The following PDSS2 variants were observed in gnomAD, a reference collection of about 807,000 sequenced individuals.
PDSS2 encodes decaprenyl diphosphate synthase subunit 2.
Under a neutral mutation model 44.5 loss-of-function variants are expected in PDSS2, and 31 were observed. The observed-to-expected ratio is 0.70, with a 90% confidence interval of 0.52 to 0.94. The LOEUF (loss-of-function observed/expected upper bound fraction) is 0.94. Ranked by LOEUF, PDSS2 falls within the 40% of genes least tolerant of loss-of-function variation. The pLI, the probability that PDSS2 is intolerant of heterozygous loss-of-function variation, is 0.00. For missense variants in PDSS2, 452 were observed against 482.2 expected, an observed-to-expected ratio of 0.94 and a Z score of 0.59; for synonymous variants, 157 against 180.3, an observed-to-expected ratio of 0.87 and a Z score of 1.03.
At chr6:107,245,011 T>G (rs1774560452) in intron 4 of PDSS2, among the ~76,000 whole-genome samples, 1 of 152,234 alleles carries the variant, frequency 6.6e-6, no homozygotes, top group Non-Finnish European at 1.5e-5. Flanking sequence ...AAAAAAATCT[T>G]AATTCTAGAC....
chr6:107,318,369 G>A (rs1582934920), intron 2 of PDSS2, among the ~76,000 whole-genome samples: 1 of 152,172 alleles, frequency 6.6e-6, no homozygotes, highest in South Asian at 2.1e-4. Flanking sequence ...CCACCCAGAG[G>A]GCTGAGCTCC....
At chr6:107,353,588 C>G (rs1371448672) in intron 1 of PDSS2, among the ~76,000 whole-genome samples, 1 of 151,956 alleles carries the variant, frequency 6.6e-6, no homozygotes. Context: ...CTTCAGCCTT[C>G]TTTTGCTTGT....
In PDSS2 at chr6:107,153,354, G is replaced by A. The variant is rs148040761; in HGVS notation, c.*1265C>T. The A allele has an allele frequency of 5.9e-5, 9 of 152,640 alleles. No homozygotes were observed. The highest frequency in any genetic ancestry group is 1.9e-4 in the East Asian group (1 of 5,186). 9.5% of individuals were successfully genotyped at this position (152,640 alleles called of 1,614,324 possible). A position where few individuals can be genotyped will look rare whatever the true frequency, so the allele number is the denominator to read the frequency against. ...TATGAACCACACAGAGACAGTGTCC[G>A]ATTGCAGGCCTGTGAGATTGCTTAT... On this transcript the variant is annotated 3_prime_UTR_variant, in exon 8 of 8. Coordinates refer to ENST00000369037, the MANE Select transcript of PDSS2 (RefSeq NM_020381.4).
At chr6:107,296,997 G>A (rs1776529491) in intron 2 of PDSS2, among the ~76,000 whole-genome samples, 1 of 152,150 alleles carries the variant, frequency 6.6e-6, no homozygotes, top group East Asian at 1.9e-4. Context: ...TCCCCTCAGT[G>A]CTTGACTGCC....
intron 1 of PDSS2, among the ~76,000 whole-genome samples, chr6:107,435,134 C>A (rs1249213455): frequency 6.6e-6 from 1 of 151,948 alleles, no homozygotes; most frequent in Non-Finnish European, 1.5e-5. Context: ...AATCTATTAG[C>A]CCAGTGTGGT....
intron 2 of PDSS2, among the ~76,000 whole-genome samples, chr6:107,288,101 G>A (rs750636650): frequency 6.1e-5 from 9 of 148,442 alleles, no homozygotes; most frequent in Non-Finnish European, 6.0e-5. Context: ...CTCCCACCTC[G>A]GTTTCCCAAA....
At chr6:107,207,815 G>A (rs1487440731) in intron 6 of PDSS2, among the ~76,000 whole-genome samples, 1 of 151,228 alleles carries the variant, frequency 6.6e-6, no homozygotes, top group African/African-American at 2.4e-5. Context: ...TCGCCATGTT[G>A]GCCAGGCTGG....
chr6:107,405,208 A>C (rs916220210), intron 1 of PDSS2, among the ~76,000 whole-genome samples: 6 of 152,164 alleles, frequency 3.9e-5, no homozygotes, highest in South Asian at 2.1e-4. Context: ...AGTGAAGGAG[A>C]AATAGTCTTT....
intron 2 of PDSS2, among the ~76,000 whole-genome samples, chr6:107,323,265 A>C (rs1183422252): frequency 6.6e-6 from 1 of 152,130 alleles, no homozygotes; most frequent in Admixed American, 6.5e-5. Context: ...AGATGCATAC[A>C]TTGTTTCCTT....
intron 7 of PDSS2, among the ~76,000 whole-genome samples, chr6:107,179,986 C>G (rs184071684): frequency 2.0e-5 from 3 of 152,238 alleles, no homozygotes; most frequent in Admixed American, 2.0e-4. Flanking sequence ...ATCTAGGTAA[C>G]GATATCTTCT....
At chr6:107,388,447 A>AT (rs147100917) in intron 1 of PDSS2, among the ~76,000 whole-genome samples, 37,714 of 137,240 alleles carry the variant, frequency 0.27, 5,646 homozygotes, top group East Asian at 0.37. Flanking sequence ...GTGCATGTGA[A>AT]TTTTTTTTTT....
chr6:107,154,574 C>T lies in PDSS2; in HGVS notation c.*45G>A, dbSNP rs534321585. 2.2e-5 allele frequency: 35 copies of T among 1,594,812 alleles called. No homozygotes were observed. In the African/African-American group the frequency reaches 3.1e-4, roughly 14 times the overall value. ...AAGCGCTCCCAATCAACCTCATTCC[C>T]TAGGATTTTCAGCTAACTAACAATA... On this transcript the variant is annotated 3_prime_UTR_variant, in exon 8 of 8. Transcript: ENST00000369037.
intron 1 of PDSS2, among the ~76,000 whole-genome samples, chr6:107,376,619 A>T (rs1296602800): frequency 2.6e-5 from 4 of 152,238 alleles, no homozygotes; most frequent in African/African-American, 7.2e-5. Flanking sequence ...GCATCCTGAG[A>T]CTTTGCTGAA....
At chr6:107,168,055 C>T (rs1487662409) in intron 7 of PDSS2, among the ~76,000 whole-genome samples, 2 of 152,106 alleles carry the variant, frequency 1.3e-5, no homozygotes, top group Non-Finnish European at 2.9e-5. Context: ...TCTTGTTGAT[C>T]TGTCTAATGT....
At chr6:107,261,697 C>T (rs1463516694) in intron 3 of PDSS2, among the ~76,000 whole-genome samples, 1 of 151,486 alleles carries the variant, frequency 6.6e-6, no homozygotes, top group Non-Finnish European at 1.5e-5. Flanking sequence ...CCTGCCTCCG[C>T]CTCCCGAGTA....
At chr6:107,214,625 C>G (rs1438617588) in intron 4 of PDSS2, among the ~76,000 whole-genome samples, 1 of 152,072 alleles carries the variant, frequency 6.6e-6, no homozygotes, top group Non-Finnish European at 1.5e-5. Context: ...TGCTCCTGAT[C>G]CTATAATCCT....
intron 3 of PDSS2, among the ~76,000 whole-genome samples, chr6:107,256,561 C>T (rs1775029512): frequency 6.6e-6 from 1 of 152,104 alleles, no homozygotes; most frequent in Admixed American, 6.5e-5. Context: ...AATCATGATT[C>T]GTGTGCCTTA....
At chr6:107,439,959 T>A (rs1405378289) in intron 1 of PDSS2, among the ~76,000 whole-genome samples, 1 of 152,074 alleles carries the variant, frequency 6.6e-6, no homozygotes, top group African/African-American at 2.4e-5. Flanking sequence ...AAGGTGACTG[T>A]TACTGAAAGA....
chr6:107,337,704 ACT>A (rs1315179369), intron 1 of PDSS2, among the ~76,000 whole-genome samples: 1 of 151,498 alleles, frequency 6.6e-6, no homozygotes, highest in Non-Finnish European at 1.5e-5. Flanking sequence ...TCTTTCTTCT[ACT>A]CTCTTTCTCC....
Sources: gnomAD v4.1 joint callset for allele counts (sites outside exome capture counted in the v4.1 genomes callset) on GRCh38, gnomAD v4.1.1 for gene constraint, MANE v1.5 for transcripts, NCBI Gene and HGNC (gene_info 2026-07-23, HGNC 2026-07-21) for gene names.